The following SV2B variants were observed in gnomAD, a reference collection of about 807,000 sequenced individuals.
The protein encoded by SV2B is synaptic vesicle glycoprotein 2B.
SV2B carries 41 observed loss-of-function variants against 73.9 expected under a neutral mutation model. The observed-to-expected ratio is 0.56, with a 90% CI of 0.43 to 0.72. SV2B has a LOEUF of 0.72. Among genes scored for constraint, SV2B ranks in the 30% least tolerant of loss-of-function variants. The pLI is 0.00. For missense variants in SV2B, 764 were observed against 857.8 expected (o/e 0.89, Z 1.37); for synonymous variants, 314 against 314.2 (o/e 1.00, Z 0.01).
intron 2 of SV2B, among the ~76,000 whole-genome samples, chr15:91,228,545 G>A (rs898987572): frequency 6.6e-6 from 1 of 152,322 alleles, no homozygotes; most frequent in Admixed American, 6.5e-5. Context: ...GGCAATGTCG[G>A]TAATGATTTC....
chr15:91,155,732 G>T (rs572581526), intron 1 of SV2B, among the ~76,000 whole-genome samples: 1 of 152,214 alleles, frequency 6.6e-6, no homozygotes, highest in East Asian at 1.9e-4. Context: ...GAGTCAAACT[G>T]CATTTTATCT....
At chr15:91,101,538 G>A (rs1203657057) in intron 1 of SV2B, among the ~76,000 whole-genome samples, 1 of 152,152 alleles carries the variant, frequency 6.6e-6, no homozygotes, top group Non-Finnish European at 1.5e-5. Flanking sequence ...AGAAGCACTC[G>A]TAATCAGGAG....
At chr15:91,199,264 C>G (rs955916741) in intron 1 of SV2B, among the ~76,000 whole-genome samples, 8 of 152,132 alleles carry the variant, frequency 5.3e-5, no homozygotes, top group South Asian at 2.1e-4. Context: ...TTTGACTGTA[C>G]CCGTCACTCT....
In SV2B at chr15:91,201,555, C is replaced by T. The variant is rs117559421; in HGVS notation, c.-391-24318C>T. Reference sequence around the variant, plus strand: ...GCCATTTCTCCCTGAACTCTGTTGCCTGTAATAGCTAACTTCCATGACTCC... The same window carrying T: ...GCCATTTCTCCCTGAACTCTGTTGCTTGTAATAGCTAACTTCCATGACTCC... On this transcript the variant is annotated intron_variant, in intron 1 of 12. Transcript: ENST00000394232. Among the ~76,000 whole-genome samples, 1,436 of 152,314 alleles carry T rather than the reference C, an allele frequency of 9.4e-3. 7 individuals carry two copies. The highest frequency in any genetic ancestry group is 0.024 in the Middle Eastern group (7 of 294).
chr15:91,268,466 C>G lies in SV2B; in HGVS notation c.1234C>G (p.Pro412Ala). 6.2e-7 allele frequency: 1 copy of G among 1,613,882 alleles called. No homozygotes were observed. Residue 412 changes from proline (P) to alanine (A), a missense_variant, in exon 9 of 13, where the codon CCT becomes GCT. Transcript: ENST00000394232. The surrounding 1 kb of genome is among the most constrained non-coding windows in gnomAD (Gnocchi z 4.4). ...TTACTATGGACTGACAGTTTGGTTT[C>G]CTGATATGATCCGCTATTTTCAAGA... ...FSYYGLTVWF[P>A]DMIRYFQDEE...
chr15:91,111,667 G>T (rs1264354154), intron 1 of SV2B, among the ~76,000 whole-genome samples: 1 of 152,192 alleles, frequency 6.6e-6, no homozygotes, highest in Non-Finnish European at 1.5e-5. Context: ...AGGGGGTTTG[G>T]TGTATTAGTC....
intron 1 of SV2B, among the ~76,000 whole-genome samples, chr15:91,206,189 C>T (rs2045631298): frequency 6.6e-6 from 1 of 150,786 alleles, no homozygotes; most frequent in Admixed American, 6.6e-5. Flanking sequence ...AGGCACATGC[C>T]ACCATGCCTG....
At chr15:91,211,507 CTTTT>C (rs1338583137) in intron 1 of SV2B, among the ~76,000 whole-genome samples, 4 of 140,012 alleles carry the variant, frequency 2.9e-5, no homozygotes, top group African/African-American at 2.6e-5. Context: ...CTTCTTCTTC[CTTTT>C]TTTTTTTTTT....
At chr15:91,159,486 CAGA>C (rs1354458384) in intron 1 of SV2B, among the ~76,000 whole-genome samples, 3 of 151,860 alleles carry the variant, frequency 2.0e-5, no homozygotes, top group African/African-American at 7.3e-5. Flanking sequence ...CACTAGATAA[CAGA>C]AGAGAATTTG....
intron 1 of SV2B, among the ~76,000 whole-genome samples, chr15:91,155,708 G>GA (rs1034704958): frequency 3.3e-5 from 5 of 151,612 alleles, no homozygotes; most frequent in African/African-American, 7.3e-5. Flanking sequence ...TTTATGAAAA[G>GA]AAAAAAAACT....
At chr15:91,277,929 G>A (rs1029404377) in intron 9 of SV2B, among the ~76,000 whole-genome samples, 1 of 152,188 alleles carries the variant, frequency 6.6e-6, no homozygotes, top group Non-Finnish European at 1.5e-5. Flanking sequence ...GAGACAGAGT[G>A]AAGTATCGTG....
intron 1 of SV2B, among the ~76,000 whole-genome samples, chr15:91,171,113 C>T (rs983109172): frequency 1.3e-5 from 2 of 152,078 alleles, no homozygotes; most frequent in African/African-American, 4.8e-5. Context: ...ATCAGTCTGT[C>T]TCTGAAACCT....
rs2048981685 is a variant in SV2B, at chr15:91,289,815, G to A, written c.1868+135G>A. On this transcript the variant is annotated intron_variant, in intron 12 of 12. Coordinates refer to ENST00000394232, the MANE Select transcript of SV2B (RefSeq NM_001323032.3). The surrounding 1 kb of genome is among the most constrained non-coding windows in gnomAD (Gnocchi z 4.9). ...GTTCCGTGAAACAAACATCTTTTAT[G>A]TTGAGCTTCTCCTGCATGGTGGATG... 2.9e-6 allele frequency: 3 copies of A among 1,046,396 alleles called. No individual in the cohort carries two copies. Among genetic ancestry groups the A allele is most frequent in the Non-Finnish European group, 4.1e-6 (3 of 737,732 alleles). 64.8% of individuals were successfully genotyped at this position (1,046,396 alleles called of 1,614,324 possible).
rs921140104 is a variant in SV2B at position 91,240,255 on chromosome 15, T to A, written c.452-11564T>A. On this transcript the variant is annotated intron_variant, in intron 2 of 12. Transcript: ENST00000394232. The surrounding 1 kb of genome is among the most constrained non-coding windows in gnomAD (Gnocchi z 4.6). ...TAACTTAACCTCCCTAACCTTGGTT[T>A]CTTAATGTGTGATATTAAAATACTA... 4.6e-5 allele frequency among the ~76,000 whole-genome samples: 7 copies of A among 152,222 alleles called. No homozygotes were observed. The highest frequency in any genetic ancestry group is 1.3e-4 in the Admixed American group (2 of 15,290).
At position 91,284,193 on chromosome 15, in the gene SV2B, G is replaced by A. The variant is rs1191673453; in HGVS notation, c.1680G>A (p.Met560Ile). 1.9e-6 allele frequency: 3 copies of A among 1,614,048 alleles called. No individual in the cohort carries two copies. The African/African-American group carries it at 4.0e-5, about 22-fold the overall frequency. ...GGAACATCATTTCTGCCCTGCTCAT[G>A]GATAGAATTGGAAGGCTCAAGATGA... ...LPGNIISALL[M>I]DRIGRLKMIG... is the part of the protein sequence containing the mutation. Residue 560 changes from methionine (M) to isoleucine (I), a missense_variant, in exon 11 of 13, where the codon ATG becomes ATA. By Grantham distance (10) the Met-to-Ile change is conservative. Transcript: ENST00000394232. The surrounding 1 kb of genome is among the most constrained non-coding windows in gnomAD (Gnocchi z 4.5).
At chr15:91,272,865 C>G (rs1468472081) in intron 9 of SV2B, among the ~76,000 whole-genome samples, 5 of 130,428 alleles carry the variant, frequency 3.8e-5, no homozygotes, top group African/African-American at 1.5e-4. Context: ...TGGAGTCTCA[C>G]TCTGTCTCCC....
rs2141684973 is a variant in SV2B at position 91,267,451 on chromosome 15, G to A, written c.1120-104G>A. Reference sequence around the variant, plus strand: ...AGTGGGGTACCGGTTCTCTCCATGGGTTCCTAGGCAACTTATTAGAATATC... The same window carrying A: ...AGTGGGGTACCGGTTCTCTCCATGGATTCCTAGGCAACTTATTAGAATATC... On this transcript the variant is annotated intron_variant, in intron 7 of 12. Coordinates refer to ENST00000394232, the MANE Select transcript of SV2B (RefSeq NM_001323032.3). This position sits in a 1 kb window ranked among gnomAD's most constrained non-coding sequence, Gnocchi z 4.3. 1 of 1,015,946 alleles carries A rather than the reference G, an allele frequency of 9.8e-7. No individual in the cohort carries two copies. The highest frequency in any genetic ancestry group is 2.6e-5 in the East Asian group (1 of 38,856). 62.9% of individuals were successfully genotyped at this position (1,015,946 alleles called of 1,614,324 possible). A position where few individuals can be genotyped will look rare whatever the true frequency, so the allele number is the denominator to read the frequency against.
At chr15:91,148,357 C>T (rs996583134) in intron 1 of SV2B, among the ~76,000 whole-genome samples, 4 of 152,180 alleles carry the variant, frequency 2.6e-5, no homozygotes, top group African/African-American at 9.6e-5. Context: ...GTATCTTTGA[C>T]CAAGATTGGG....
rs187321338 is a variant in SV2B, at chr15:91,299,038, G to A, written c.*6486G>A. 6.6e-6 allele frequency: 1 copy of A among 152,234 alleles called. No homozygotes were observed. The highest frequency in any genetic ancestry group is 6.5e-5 in the Admixed American group (1 of 15,288). The allele number at this position is 152,234 out of a possible 1,614,324, so 9.4% of individuals were successfully genotyped here. ...AATGCAAAAATGACAAGTAAGTGAG[G>A]TAACGCATGAGCTAAATAGCTTGAT... On this transcript the variant is annotated 3_prime_UTR_variant, in exon 13 of 13. Coordinates refer to ENST00000394232, the MANE Select transcript of SV2B (RefSeq NM_001323032.3).
Sources: allele counts gnomAD v4.1 joint callset (sites outside exome capture counted in the v4.1 genomes callset), GRCh38; gene constraint gnomAD v4.1.1; non-coding constraint Gnocchi (gnomAD v3.1); transcripts MANE v1.5; gene names NCBI Gene and HGNC (gene_info 2026-07-23, HGNC 2026-07-21).